Variants in CFAP70 observed in about 807,000 individuals in gnomAD.
The protein encoded by CFAP70 is cilia and flagella associated protein 70.
A neutral mutation model predicts 137.6 loss-of-function variants in CFAP70; 81 were observed. That is an observed-to-expected ratio of 0.59 (90% CI 0.49 to 0.71). The LOEUF is 0.71. Ranked by LOEUF, CFAP70 falls within the 30% of genes least tolerant of loss-of-function variation. The pLI is 0.00. For missense variants in CFAP70, 976 were observed against 1,226.7 expected, an observed-to-expected ratio of 0.80 and a Z score of 3.05; for synonymous variants, 382 against 423.6, an observed-to-expected ratio of 0.90 and a Z score of 1.20.
chr10:73,274,240 G>GT (rs2046528614), intron 23 of CFAP70, among the ~76,000 whole-genome samples, 193 bp downstream of exon 24: 1 of 152,184 alleles, frequency 6.6e-6, no homozygotes, highest in South Asian at 2.1e-4. Flanking sequence ...ACAGACTCTC[G>GT]TTTCAGCCTG....
chr10:73,272,977 C>T lies in CFAP70; in HGVS notation c.2876G>A (p.Arg959Lys), dbSNP rs148327573. 2.5e-3 allele frequency: 3,904 copies of T among 1,552,844 alleles called. 12 individuals carry two copies. Among genetic ancestry groups the T allele is most frequent in the Non-Finnish European group, 2.9e-3 (3,375 of 1,147,674 alleles). Residue 959 changes from arginine (R) to lysine (K), a missense_variant, in exon 24 of 27, where the codon AGA becomes AAA. By Grantham distance (26) the Arg-to-Lys change is conservative. Coordinates refer to ENST00000310715, the Ensembl canonical transcript of CFAP70. ...TAGCCAGGTAAGGCATGAAGGTGATCTCTTACAGGCTTGCATATAGGTTTT... is the reference window on the plus strand; with the variant it reads ...TAGCCAGGTAAGGCATGAAGGTGATTTCTTACAGGCTTGCATATAGGTTTT...
chr10:73,319,306 T>C (rs1237506282), intron 9 of CFAP70, among the ~76,000 whole-genome samples: 1 of 152,182 alleles, frequency 6.6e-6, no homozygotes, highest in African/African-American at 2.4e-5. Context: ...CTCAACTATA[T>C]GGTCCTTTGT....
intron 24 of CFAP70, among the ~76,000 whole-genome samples, chr10:73,271,830 T>G (rs945986642): frequency 3.9e-5 from 6 of 152,000 alleles, no homozygotes; most frequent in African/African-American, 1.4e-4. Context: ...CTTCCAAGTA[T>G]CTGGGACTAC....
chr10:73,273,588 C>T (rs1473209176), intron 23 of CFAP70, among the ~76,000 whole-genome samples: 1 of 152,162 alleles, frequency 6.6e-6, no homozygotes, highest in African/African-American at 2.4e-5. Context: ...GACCTGCTTG[C>T]CCGGGGTCTG....
chr10:73,307,714 T>TA (rs2049509460), intron 12 of CFAP70, among the ~76,000 whole-genome samples: 1 of 152,064 alleles, frequency 6.6e-6, no homozygotes, highest in Middle Eastern at 3.2e-3. Context: ...TATAAACATA[T>TA]ACAACAGAAC....
chr10:73,256,409 C>T lies in CFAP70; in HGVS notation c.3035G>A (p.Arg1012Gln), dbSNP rs776780037. The T allele has an allele frequency of 4.3e-6, 7 of 1,614,028 alleles. No individual in the cohort carries two copies. The highest frequency in any genetic ancestry group is 1.1e-5 in the South Asian group (1 of 91,066). The change falls in exon 26 of 27, where the codon CGG (arginine) becomes CAG (glutamine). Residue 1012 changes from arginine to glutamine, a missense_variant. Physicochemically the swap from Arg to Gln is conservative, Grantham distance 43. Transcript: ENST00000310715. ...GTAGGCCTGCTCAGCTTCTAATTGC[C>T]GTCCAACCTGAAAAAAGTGCAGCAG...
chr10:73,341,329 A>G (rs1589558075), intron 6 of CFAP70, 70 bp downstream of exon 7: 3 of 1,357,158 alleles, frequency 2.2e-6, no homozygotes, highest in Middle Eastern at 2.0e-4. Flanking sequence ...AATTACAGTA[A>G]TTCACAAAAT....
intron 4 of CFAP70, among the ~76,000 whole-genome samples, chr10:73,346,190 C>T (rs1472875199): frequency 6.6e-6 from 1 of 151,960 alleles, no homozygotes; most frequent in Admixed American, 6.6e-5. Context: ...AGCCACTGCA[C>T]CCAGCCTATT....
At chr10:73,307,762 G>A (rs1213804436) in intron 12 of CFAP70, among the ~76,000 whole-genome samples, 1 of 151,760 alleles carries the variant, frequency 6.6e-6, no homozygotes, top group Non-Finnish European at 1.5e-5. Flanking sequence ...AGAATTGAAG[G>A]GAGAAACTGA....
At chr10:73,359,626 T>C (rs1430506421), upstream of CFAP70, among the ~76,000 whole-genome samples, 2 of 152,102 alleles carry the variant, frequency 1.3e-5, no homozygotes, top group African/African-American at 2.4e-5. Flanking sequence ...CCCAGAAGTG[T>C]AGCGAGAAGG....
At chr10:73,357,058 G>C (rs1399300135) in intron 1 of CFAP70, among the ~76,000 whole-genome samples, 1 of 152,164 alleles carries the variant, frequency 6.6e-6, no homozygotes, top group Admixed American at 6.5e-5. Context: ...TCTGACAGAG[G>C]AAAGAAGGGA....
chr10:73,301,776 G>C (rs911356166), intron 12 of CFAP70, among the ~76,000 whole-genome samples: 2 of 152,072 alleles, frequency 1.3e-5, no homozygotes, highest in Admixed American at 1.3e-4. Flanking sequence ...ATTTTTCTAA[G>C]TTCACATCGG....
chr10:73,269,819 T>C (rs952074990), intron 24 of CFAP70, 104 bp from the exon 26 acceptor site: 3 of 621,784 alleles, frequency 4.8e-6, no homozygotes, highest in Non-Finnish European at 5.8e-6. Flanking sequence ...CTTTTTAATA[T>C]TTTTAGCATC....
intron 3 of CFAP70, 80 bp from the exon 4 acceptor site, chr10:73,348,601 T>G (rs545745539): frequency 1.1e-6 from 1 of 919,380 alleles, no homozygotes; most frequent in South Asian, 2.0e-5. Flanking sequence ...CAAAGCATTG[T>G]CAAAGATATG....
chr10:73,267,293 C>T (rs1478388121), intron 25 of CFAP70, among the ~76,000 whole-genome samples: 2 of 152,298 alleles, frequency 1.3e-5, no homozygotes, highest in Admixed American at 1.3e-4. Flanking sequence ...TTAATGTTGG[C>T]TGTTGGCTGG....
At chr10:73,299,243 T>TAAAA in intron 13 of CFAP70, 142 bp from the exon 15 acceptor site, 1 of 698,186 alleles carries the variant, frequency 1.4e-6, no homozygotes, top group Non-Finnish European at 2.3e-6. Flanking sequence ...ACAAGGTCTC[T>TAAAA]CTCGCCCAGG....
At chr10:73,291,160 G>T in intron 19 of CFAP70, 66 bp downstream of exon 20, 1 of 1,456,702 alleles carries the variant, frequency 6.9e-7, no homozygotes, top group Non-Finnish European at 9.6e-7. Flanking sequence ...GACTACAGGT[G>T]TGAGCCACCA....
intron 7 of CFAP70, among the ~76,000 whole-genome samples, chr10:73,334,367 C>T (rs531500269): frequency 1.1e-4 from 16 of 152,252 alleles, no homozygotes; most frequent in African/African-American, 3.6e-4. Context: ...GGGGTTAAGA[C>T]AGGCAGCATG....
At chr10:73,291,614 C>T in intron 18 of CFAP70, 26 bp downstream of exon 19, 1 of 1,587,166 alleles carries the variant, frequency 6.3e-7, no homozygotes, top group Non-Finnish European at 8.6e-7. Flanking sequence ...GGAGAAAACA[C>T]ATTCAGATTA....
Sources: gnomAD v4.1 joint callset for allele counts (sites outside exome capture counted in the v4.1 genomes callset) on GRCh38, gnomAD v4.1.1 for gene constraint, MANE v1.5 for transcripts, NCBI Gene and HGNC (gene_info 2026-07-23, HGNC 2026-07-21) for gene names.